Variants in SYNE1 observed in about 807,000 individuals in gnomAD.
SYNE1 encodes the protein nesprin-1.
In SYNE1, 616 loss-of-function variants were observed where a neutral mutation model predicts 1,111.0. The ratio of observed to expected loss-of-function variants is 0.55; its 90% CI spans 0.52 to 0.59. The LOEUF is 0.59. Ranked by LOEUF, SYNE1 falls within the 20% of genes least tolerant of loss-of-function variation. SYNE1 has a pLI of 0.00. For missense variants in SYNE1, 10,006 were observed against 10,417.0 expected (o/e 0.96, Z 1.72); for synonymous variants, 3,855 against 3,825.8 (o/e 1.01, Z -0.28).
rs1294007089 is a variant in SYNE1, at chr6:152,539,995, T to C, written c.94A>G (p.Thr32Ala). 1.2e-6 allele frequency: 2 copies of C among 1,613,934 alleles called. No homozygotes were observed. The highest frequency in any genetic ancestry group is 1.7e-5 in the Admixed American group (1 of 60,004). Residue 32 changes from threonine (T) to alanine (A), a missense_variant, in exon 4 of 146, where the codon ACT becomes GCT. This residue lies in a region of SYNE1 where 1,971 missense variants were observed against 2,084.1 expected (regional missense o/e 0.95). Coordinates refer to ENST00000367255, the MANE Select transcript of SYNE1 (RefSeq NM_182961.4). ...QDEQEIVQKR[T>A]FTKWINSHLA... Reference sequence around the variant, plus strand: ...TGAGAGTTGATCCATTTTGTGAAAGTTCGTTTTTGTACTATCTCTTGCTCA... The same window carrying C: ...TGAGAGTTGATCCATTTTGTGAAAGCTCGTTTTTGTACTATCTCTTGCTCA...
intron 14 of SYNE1, chr6:152,481,183 A>G: frequency 4.7e-6 from 1 of 213,892 alleles, no homozygotes. Flanking sequence ...CTGTGGTGGG[A>G]CATTTAAGTC....
intron 100 of SYNE1, among the ~76,000 whole-genome samples, chr6:152,265,099 G>A (rs779993115): frequency 2.0e-5 from 3 of 150,230 alleles, no homozygotes; most frequent in Non-Finnish European, 3.0e-5. Context: ...CCAGCTACTC[G>A]AGAGGCTAAG....
intron 145 of SYNE1, chr6:152,128,490 T>A (rs1444529265): frequency 6.6e-6 from 1 of 152,212 alleles, no homozygotes; most frequent in African/African-American, 2.4e-5. Flanking sequence ...AAATACTGTA[T>A]GAAGATACAG....
intron 3 of SYNE1, among the ~76,000 whole-genome samples, chr6:152,614,559 G>A (rs955082801): frequency 6.6e-5 from 10 of 152,178 alleles, no homozygotes; most frequent in Non-Finnish European, 1.3e-4. Flanking sequence ...TTCAACCATT[G>A]TGGAAGACAA....
chr6:152,612,029 C>T (rs533062164), intron 3 of SYNE1, among the ~76,000 whole-genome samples: 42 of 151,096 alleles, frequency 2.8e-4, no homozygotes, highest in African/African-American at 1.0e-3. Context: ...GCACTAAATG[C>T]CCACAGAGAA....
intron 24 of SYNE1, 50 bp downstream of exon 24, chr6:152,455,376 G>A (rs1449416696): frequency 6.3e-7 from 1 of 1,579,230 alleles, no homozygotes; most frequent in East Asian, 2.2e-5. Flanking sequence ...TTCCTCCAAG[G>A]TTGTTTGTCC....
At chr6:152,146,314 A>T (rs1234204723) in intron 137 of SYNE1, 2 of 152,244 alleles carry the variant, frequency 1.3e-5, no homozygotes, top group Non-Finnish European at 2.9e-5. Context: ...TTTCATAGCC[A>T]CATTAGAAAT....
intron 4 of SYNE1, among the ~76,000 whole-genome samples, chr6:152,537,998 G>T (rs1387931167): frequency 1.3e-5 from 2 of 152,110 alleles, no homozygotes; most frequent in Non-Finnish European, 2.9e-5. Flanking sequence ...TGTATACCTG[G>T]ATTACCATGC....
intron 97 of SYNE1, among the ~76,000 whole-genome samples, chr6:152,280,428 T>C (rs1328930261): frequency 6.7e-6 from 1 of 148,976 alleles, no homozygotes; most frequent in Non-Finnish European, 1.5e-5. Context: ...TAAAATGTTA[T>C]TTTTTTTTTG....
At chr6:152,625,116 C>T (rs769568339) in intron 3 of SYNE1, among the ~76,000 whole-genome samples, 1 of 152,166 alleles carries the variant, frequency 6.6e-6, no homozygotes, top group South Asian at 2.1e-4. Context: ...GTTCTGTTTA[C>T]GTTAATGGAA....
At chr6:152,457,789 C>A (rs1266292259) in intron 22 of SYNE1, among the ~76,000 whole-genome samples, 3 of 151,750 alleles carry the variant, frequency 2.0e-5, no homozygotes, top group Admixed American at 1.3e-4. Flanking sequence ...GGCACGTATG[C>A]CTTTTTAAGT....
chr6:152,273,533 G>T (rs773213378), intron 98 of SYNE1, among the ~76,000 whole-genome samples: 2 of 152,036 alleles, frequency 1.3e-5, no homozygotes, highest in Non-Finnish European at 2.9e-5. Flanking sequence ...TAAGGCTCTT[G>T]CCCCAGGTCA....
intron 104 of SYNE1, among the ~76,000 whole-genome samples, chr6:152,254,448 T>C (rs949266696): frequency 6.6e-6 from 1 of 151,624 alleles, no homozygotes; most frequent in African/African-American, 2.4e-5. Context: ...ATGGGTTGCA[T>C]TATGTTGGCC....
intron 139 of SYNE1, among the ~76,000 whole-genome samples, chr6:152,140,888 A>T (rs2058374484): frequency 6.6e-6 from 1 of 151,536 alleles, no homozygotes; most frequent in Admixed American, 6.6e-5. Context: ...AAAAAAATTT[A>T]GCTGGGCGTG....
At chr6:152,444,198 T>A (rs887289970) in intron 30 of SYNE1, among the ~76,000 whole-genome samples, 1 of 152,220 alleles carries the variant, frequency 6.6e-6, no homozygotes, top group Admixed American at 6.5e-5. Context: ...TCACTCGGTC[T>A]GGAAATTTAT....
chr6:152,383,336 C>T (rs2097459831), intron 55 of SYNE1, among the ~76,000 whole-genome samples: 1 of 152,198 alleles, frequency 6.6e-6, no homozygotes, highest in Non-Finnish European at 1.5e-5. Context: ...AAACATTAGT[C>T]CATTTCTGCT....
intron 66 of SYNE1, among the ~76,000 whole-genome samples, chr6:152,357,735 T>C (rs928156376): frequency 2.0e-5 from 3 of 152,206 alleles, no homozygotes; most frequent in Admixed American, 6.5e-5. Flanking sequence ...CTTAATCATC[T>C]TTGCCTGAAG....
chr6:152,194,972 G>C (rs1283486789), intron 127 of SYNE1, among the ~76,000 whole-genome samples: 1 of 151,972 alleles, frequency 6.6e-6, no homozygotes. Context: ...CCAGGCTGGA[G>C]TGCAGTGGTG....
At chr6:152,263,733 T>C (rs1307820950) in intron 100 of SYNE1, among the ~76,000 whole-genome samples, 1 of 152,112 alleles carries the variant, frequency 6.6e-6, no homozygotes, top group Non-Finnish European at 1.5e-5. Context: ...ACCTGGATTA[T>C]GACCCTCCCT....
Sources: gnomAD v4.1 joint callset for allele counts (sites outside exome capture counted in the v4.1 genomes callset) on GRCh38, gnomAD v4.1.1 for gene constraint, gnomAD v4.1.1 regional missense constraint, MANE v1.5 for transcripts, NCBI Gene and HGNC (gene_info 2026-07-23, HGNC 2026-07-21) for gene names.